PXDC1: variants seen among roughly 807,000 people sequenced by gnomAD.
PXDC1 encodes PX domain-containing protein 1.
A neutral mutation model predicts 24.4 loss-of-function variants in PXDC1; 13 were observed. That is an observed-to-expected ratio of 0.53 (90% CI 0.35 to 0.85). PXDC1 has a LOEUF of 0.85. Ranked by LOEUF, PXDC1 falls within the 40% of genes least tolerant of loss-of-function variation. The probability of loss-of-function intolerance (pLI) is 0.01; values close to 1 mark genes in which losing one functional copy is unlikely to be tolerated. For missense variants in PXDC1, 344 were observed against 309.3 expected (o/e 1.11, Z -0.84); for synonymous variants, 162 against 124.9 (o/e 1.30, Z -1.98).
rs542926444 is a variant in PXDC1, at chr6:3,740,794, G to A, written c.257-2646C>T. Among the ~76,000 whole-genome samples the A allele has an allele frequency of 1.4e-3, 217 of 152,364 alleles. 4 individuals carry two copies. Among genetic ancestry groups the A allele is most frequent in the East Asian group, 2.1e-3 (11 of 5,190 alleles). ...AAAGCCACCTGCTCTGTGATGATGGGACTGGCTCCTGCCTGTGGGTTCGGA... is the reference window on the plus strand; with the variant it reads ...AAAGCCACCTGCTCTGTGATGATGGAACTGGCTCCTGCCTGTGGGTTCGGA... On this transcript the variant is annotated intron_variant, in intron 1 of 4. Transcript: ENST00000380283.
In PXDC1 at chr6:3,747,245, C is replaced by T. The variant is rs190344324; in HGVS notation, c.256+4031G>A. Reference sequence around the variant, plus strand: ...GGGTCATCTGCACACTACTCCACACCCCATGTCTGGCCTTGCAGTGCCCCT... The same window carrying T: ...GGGTCATCTGCACACTACTCCACACTCCATGTCTGGCCTTGCAGTGCCCCT... On this transcript the variant is annotated intron_variant, in intron 1 of 4. Coordinates refer to ENST00000380283, the MANE Select transcript of PXDC1 (RefSeq NM_183373.4). Among the ~76,000 whole-genome samples the T allele has an allele frequency of 2.0e-5, 3 of 152,202 alleles. No individual in the cohort carries two copies. In the East Asian group the frequency reaches 5.8e-4, roughly 29 times the overall value.
intron 1 of PXDC1, among the ~76,000 whole-genome samples, chr6:3,743,887 TGAAAA>T (rs1382960998): frequency 1.3e-5 from 2 of 151,808 alleles, no homozygotes; most frequent in Non-Finnish European, 2.9e-5. Flanking sequence ...TTTTCAGGAG[TGAAAA>T]GCTGAGCTGA....
chr6:3,738,011 A>G (rs2127600316), intron 2 of PXDC1, 46 bp downstream of exon 2: 21 of 1,471,128 alleles, frequency 1.4e-5, no homozygotes, highest in African/African-American at 2.8e-5. Context: ...GGGAGGTGCC[A>G]GCACCTCCCA....
intron 1 of PXDC1, among the ~76,000 whole-genome samples, chr6:3,740,184 T>C (rs372004824): frequency 4.6e-4 from 70 of 152,350 alleles, no homozygotes; most frequent in African/African-American, 1.6e-3. Flanking sequence ...ACAGGTATTA[T>C]AGAGGTTTAT....
chr6:3,729,012 C>T (rs530385197), intron 3 of PXDC1, among the ~76,000 whole-genome samples: 91 of 152,272 alleles, frequency 6.0e-4, no homozygotes, highest in Non-Finnish European at 1.1e-3. Context: ...CTTCTCAAAT[C>T]CAAGGGATTA....
At chr6:3,750,910 G>A (rs934731969) in intron 1 of PXDC1, among the ~76,000 whole-genome samples, 3 of 151,944 alleles carry the variant, frequency 2.0e-5, no homozygotes, top group Admixed American at 1.3e-4. Flanking sequence ...GCCCTCGGGA[G>A]GTACCGGGCA....
intron 4 of PXDC1, 100 bp from the exon 5 acceptor site, chr6:3,723,836 AGTGTGC>A: frequency 1.1e-6 from 1 of 890,504 alleles, no homozygotes; most frequent in Non-Finnish European, 1.8e-6. Context: ...CCCGCTAGTA[AGTGTGC>A]AAAAAAACCA....
chr6:3,744,886 G>A (rs1344168904), intron 1 of PXDC1, among the ~76,000 whole-genome samples: 1 of 152,196 alleles, frequency 6.6e-6, no homozygotes, highest in Non-Finnish European at 1.5e-5. Flanking sequence ...CTTTAGTAGA[G>A]ACGGGGTTTC....
rs770959028 is a variant in PXDC1 at position 3,738,108 on chromosome 6, C to T, written c.297G>A (p.Arg99=). The stretch of plus-strand genomic sequence containing the variant: ...TCAGCAGCTTCTCCACCTCATTAAG[C>T]CTGGTCTCTATGTCGTGGGCTTCCT... ...AIKEAHDIET[R]LNEVEKLLKT... is the part of the protein sequence containing the mutation. The change falls in exon 2 of 5, where the codon AGG becomes AGA. Residue 99 remains arginine (R), a synonymous_variant. Coordinates refer to ENST00000380283, the MANE Select transcript of PXDC1 (RefSeq NM_183373.4). 2.5e-6 allele frequency: 4 copies of T among 1,614,128 alleles called. No individual in the cohort carries two copies. The highest frequency in any genetic ancestry group is 4.5e-5 in the East Asian group (2 of 44,866).
chr6:3,750,067 G>A (rs1561741611), intron 1 of PXDC1, among the ~76,000 whole-genome samples: 1 of 152,248 alleles, frequency 6.6e-6, no homozygotes, highest in East Asian at 1.9e-4. Context: ...CTGAAAGGCG[G>A]GCCTTCTCGC....
At chr6:3,749,852 A>T (rs779885113) in intron 1 of PXDC1, among the ~76,000 whole-genome samples, 3 of 152,236 alleles carry the variant, frequency 2.0e-5, no homozygotes, top group Non-Finnish European at 4.4e-5. Flanking sequence ...CAGGGACTCC[A>T]GTGTATTTAA....
At chr6:3,749,776 C>A (rs904499739) in intron 1 of PXDC1, among the ~76,000 whole-genome samples, 1 of 152,106 alleles carries the variant, frequency 6.6e-6, no homozygotes, top group Non-Finnish European at 1.5e-5. Context: ...GGGAGCCCCA[C>A]GGGGATCCCG....
intron 1 of PXDC1, 46 bp downstream of exon 1, chr6:3,751,230 A>C: frequency 5.8e-6 from 8 of 1,378,184 alleles, no homozygotes; most frequent in Non-Finnish European, 7.6e-6. Context: ...CGTGCACTTC[A>C]AGGCTGCCTC....
At position 3,723,313 on chromosome 6, in the gene PXDC1, A is replaced by G. The variant is rs1759982120; in HGVS notation, c.*306T>C. ...TAGCAGTGAGAGCGAGCCCCACAGG[A>G]ACTGTCCCTGCCCTGGCAGTGCGCA... On this transcript the variant is annotated 3_prime_UTR_variant, in exon 5 of 5. Coordinates refer to ENST00000380283, the MANE Select transcript of PXDC1 (RefSeq NM_183373.4). 2.7e-6 allele frequency: 1 copy of G among 366,030 alleles called. No individual in the cohort carries two copies. The highest frequency in any genetic ancestry group is 5.0e-6 in the Non-Finnish European group (1 of 199,118). 22.7% of individuals were successfully genotyped at this position (366,030 alleles called of 1,614,324 possible).
chr6:3,746,618 C>T (rs1332827446), intron 1 of PXDC1, among the ~76,000 whole-genome samples: 2 of 152,170 alleles, frequency 1.3e-5, no homozygotes, highest in Non-Finnish European at 2.9e-5. Flanking sequence ...GCCAGCACCC[C>T]ACTTGCAAGG....
intron 3 of PXDC1, among the ~76,000 whole-genome samples, chr6:3,732,514 G>A (rs947631723): frequency 4.6e-5 from 7 of 152,252 alleles, no homozygotes; most frequent in African/African-American, 1.4e-4. Context: ...GATCGAAGCT[G>A]AGGTTTGCAT....
Position 3,751,600 on chromosome 6 carries a change from G to T in PXDC1, c.-69C>A. On this transcript the variant is annotated 5_prime_UTR_variant, in exon 1 of 5. Transcript: ENST00000380283. ...CGCCCGCCCGCAGGAGGCGCGCCCC[G>T]GCCGGGGTCGTCCCGGGTCTGTCCG... 7.0e-7 allele frequency: 1 copy of T among 1,423,428 alleles called. No homozygotes were observed. Among genetic ancestry groups the T allele is most frequent in the Non-Finnish European group, 9.1e-7 (1 of 1,094,618 alleles). 88.2% of individuals were successfully genotyped at this position (1,423,428 alleles called of 1,614,324 possible).
intron 3 of PXDC1, among the ~76,000 whole-genome samples, chr6:3,736,831 A>G (rs1433209811): frequency 6.6e-6 from 1 of 152,188 alleles, no homozygotes; most frequent in Non-Finnish European, 1.5e-5. Context: ...TCGTTATACC[A>G]TTTCTTAAGT....
At chr6:3,747,344 T>C (rs549522582) in intron 1 of PXDC1, among the ~76,000 whole-genome samples, 42 of 152,212 alleles carry the variant, frequency 2.8e-4, no homozygotes, top group African/African-American at 9.9e-4. Flanking sequence ...CCCCAGCACC[T>C]GCCTCCACGC....
Sources: allele counts gnomAD v4.1 joint callset (sites outside exome capture counted in the v4.1 genomes callset), GRCh38; gene constraint gnomAD v4.1.1; transcripts MANE v1.5; gene names NCBI Gene and HGNC (gene_info 2026-07-23, HGNC 2026-07-21).